The following STK32B variants were observed in gnomAD, a reference collection of about 807,000 sequenced individuals.
STK32B encodes the protein serine/threonine-protein kinase 32B.
Under a neutral mutation model 52.6 loss-of-function variants are expected in STK32B, and 43 were observed. The observed-to-expected ratio is 0.82, with a 90% confidence interval of 0.64 to 1.05. STK32B has a LOEUF of 1.05. Ranked by LOEUF, STK32B falls within the 50% of genes least tolerant of loss-of-function variation. The pLI is 0.00. For synonymous variants in STK32B, 238 were observed against 204.3 expected (o/e 1.17, Z -1.41); for missense variants, 621 against 534.6 (o/e 1.16, Z -1.59).
intron 2 of STK32B, among the ~76,000 whole-genome samples, chr4:5,142,738 G>A (rs1476482197): frequency 1.3e-5 from 2 of 152,196 alleles, no homozygotes; most frequent in Admixed American, 6.5e-5. Context: ...TTAATTTTAT[G>A]TATCAACTGG....
At chr4:5,496,298 C>T (rs1720241195) in intron 11 of STK32B, among the ~76,000 whole-genome samples, 1 of 152,212 alleles carries the variant, frequency 6.6e-6, no homozygotes, top group Admixed American at 6.5e-5. Context: ...GCCCCTCCAC[C>T]AGCCTCGCTG....
At chr4:5,439,487 T>C (rs1714488363) in intron 6 of STK32B, among the ~76,000 whole-genome samples, 1 of 151,858 alleles carries the variant, frequency 6.6e-6, no homozygotes, top group Non-Finnish European at 1.5e-5. Context: ...GAGTTCATTG[T>C]AGATTCTGGA....
rs913975509 is a variant in STK32B, at chr4:5,460,580, G to A, written c.909+352G>A. ...AGGAAGACAGGCAATGACCTACCCCGACAGGGCAGTCAGCACTTGTTGCAC... is the reference window on the plus strand; with the variant it reads ...AGGAAGACAGGCAATGACCTACCCCAACAGGGCAGTCAGCACTTGTTGCAC... On this transcript the variant is annotated intron_variant, in intron 9 of 11. Coordinates refer to ENST00000282908, the MANE Select transcript of STK32B (RefSeq NM_018401.3). This position sits in a 1 kb window ranked among gnomAD's most constrained non-coding sequence, Gnocchi z 4.8. Among the ~76,000 whole-genome samples, 7 of 152,166 alleles carry A rather than the reference G, an allele frequency of 4.6e-5. No individual in the cohort carries two copies. Among genetic ancestry groups the A allele is most frequent in the Non-Finnish European group, 8.8e-5 (6 of 68,022 alleles).
intron 3 of STK32B, among the ~76,000 whole-genome samples, chr4:5,177,661 CTTCCTAGATACAAT>C (rs1720021336): frequency 6.6e-6 from 1 of 152,230 alleles, no homozygotes; most frequent in African/African-American, 2.4e-5. Flanking sequence ...AAGTTAATTA[CTTCCTAGATACAAT>C]AGGGTACAGG....
At chr4:5,310,253 T>A (rs1384690801) in intron 3 of STK32B, among the ~76,000 whole-genome samples, 1 of 152,106 alleles carries the variant, frequency 6.6e-6, no homozygotes, top group African/African-American at 2.4e-5. Flanking sequence ...ATAAACAACC[T>A]TCAGAATGGG....
Position 5,500,435 on chromosome 4 carries a change from G to A in STK32B, c.*1352G>A, listed in dbSNP as rs1428864465. On this transcript the variant is annotated 3_prime_UTR_variant, in exon 12 of 12. Transcript: ENST00000282908. ...CTTTCTTCCTTCACTCACCCAGCAG[G>A]TCAGTTTTCTGTGCAAACAAACCTG... 1 of 152,044 alleles carries A rather than the reference G, an allele frequency of 6.6e-6. No individual in the cohort carries two copies. The highest frequency in any genetic ancestry group is 1.5e-5 in the Non-Finnish European group (1 of 68,040). 9.4% of individuals were successfully genotyped at this position (152,044 alleles called of 1,614,324 possible). A position where few individuals can be genotyped will look rare whatever the true frequency, so the allele number is the denominator to read the frequency against.
At chr4:5,127,808 C>T (rs999860287) in intron 1 of STK32B, among the ~76,000 whole-genome samples, 2 of 152,090 alleles carry the variant, frequency 1.3e-5, no homozygotes, top group Non-Finnish European at 2.9e-5. Flanking sequence ...TCCCACGTGT[C>T]GTGGTAGGGA....
chr4:5,250,893 A>G (rs1204222682), intron 3 of STK32B, among the ~76,000 whole-genome samples: 2 of 152,032 alleles, frequency 1.3e-5, no homozygotes, highest in Non-Finnish European at 2.9e-5. Flanking sequence ...TCCTTTGCCC[A>G]CTTTTTAATG....
In STK32B at chr4:5,168,412, C is replaced by A. The variant is rs369363752; in HGVS notation, c.222C>A (p.Ile74=). 1 of 1,613,884 alleles carries A rather than the reference C, an allele frequency of 6.2e-7. No homozygotes were observed. Among genetic ancestry groups the A allele is most frequent in the Admixed American group, 1.7e-5 (1 of 60,002 alleles). ...GGAATGTTTTCCGGGAGCTGCAGATCATGCAAGGGCTGGAGCACCCCTTCC... is the reference window on the plus strand; with the variant it reads ...GGAATGTTTTCCGGGAGCTGCAGATAATGCAAGGGCTGGAGCACCCCTTCC... ...EVRNVFRELQ[I]MQGLEHPFLV... is the part of the protein sequence containing the mutation. Residue 74 remains isoleucine (I), a synonymous_variant, in exon 3 of 12, where the codon ATC becomes ATA. Transcript: ENST00000282908.
intron 7 of STK32B, among the ~76,000 whole-genome samples, chr4:5,448,370 T>C (rs1263988140): frequency 6.6e-6 from 1 of 152,194 alleles, no homozygotes; most frequent in Non-Finnish European, 1.5e-5. Flanking sequence ...TTGATATATA[T>C]ACTCAGAGGA....
intron 2 of STK32B, among the ~76,000 whole-genome samples, chr4:5,143,249 G>A (rs531895365): frequency 1.8e-4 from 27 of 152,346 alleles, no homozygotes; most frequent in Admixed American, 3.3e-4. Flanking sequence ...CAGGTAGGGA[G>A]AAGGAGGGTT....
chr4:5,426,204 G>A (rs1485771378), intron 6 of STK32B, among the ~76,000 whole-genome samples: 2 of 152,088 alleles, frequency 1.3e-5, no homozygotes, highest in Non-Finnish European at 2.9e-5. Context: ...CACAAGCAGC[G>A]AATGAGAGAC....
chr4:5,240,237 C>G (rs969997696), intron 3 of STK32B, among the ~76,000 whole-genome samples: 6 of 152,124 alleles, frequency 3.9e-5, no homozygotes, highest in Non-Finnish European at 5.9e-5. Context: ...ATCCCCGAGA[C>G]TCCTACCACA....
At chr4:5,281,855 G>T (rs1728222691) in intron 3 of STK32B, among the ~76,000 whole-genome samples, 1 of 151,892 alleles carries the variant, frequency 6.6e-6, no homozygotes, top group Non-Finnish European at 1.5e-5. Context: ...TTGGATAATG[G>T]CTATACCATT....
At chr4:5,277,795 T>G (rs16836949) in intron 3 of STK32B, among the ~76,000 whole-genome samples, 20,405 of 152,088 alleles carry the variant, frequency 0.13, 3,095 homozygotes, top group African/African-American at 0.37. Flanking sequence ...GATACAGATT[T>G]TTTAAAAAAT....
chr4:5,075,041 AC>A (rs1712000100), intron 1 of STK32B, among the ~76,000 whole-genome samples: 1 of 152,036 alleles, frequency 6.6e-6, no homozygotes, highest in African/African-American at 2.4e-5. Flanking sequence ...TTGGAGTTTC[AC>A]CCCATTCATG....
intron 2 of STK32B, among the ~76,000 whole-genome samples, chr4:5,153,764 G>GT (rs565338423): frequency 8.5e-5 from 13 of 152,162 alleles, no homozygotes; most frequent in East Asian, 7.7e-4. Flanking sequence ...ACAGACTTAT[G>GT]TTTTTTCTAC....
chr4:5,486,305 C>T (rs1307328961), intron 11 of STK32B, among the ~76,000 whole-genome samples: 1 of 152,202 alleles, frequency 6.6e-6, no homozygotes, highest in Non-Finnish European at 1.5e-5. Context: ...CCACCCCCAA[C>T]CTCGCTGCAG....
chr4:5,240,058 CTCTCTCTCTCTCTCTG>C (rs1309977527), intron 3 of STK32B, among the ~76,000 whole-genome samples: 3 of 127,616 alleles, frequency 2.4e-5, no homozygotes, highest in South Asian at 2.4e-4. Flanking sequence ...TCTCTTCTCT[CTCTCTCTCTCTCTCTG>C]TCTCTCTCTC....
Sources: gnomAD v4.1 joint callset for allele counts (sites outside exome capture counted in the v4.1 genomes callset) on GRCh38, gnomAD v4.1.1 for gene constraint, Gnocchi (gnomAD v3.1) non-coding constraint, MANE v1.5 for transcripts, NCBI Gene and HGNC (gene_info 2026-07-23, HGNC 2026-07-21) for gene names.